The following ZNF804A variants were observed in gnomAD, a reference collection of about 807,000 sequenced individuals.
The protein encoded by ZNF804A is zinc finger protein 804A.
ZNF804A carries 2 observed loss-of-function variants against 16.5 expected under a neutral mutation model. The observed-to-expected ratio is 0.12, with a 90% CI of 0.05 to 0.38. The LOEUF is 0.38. Among genes scored for constraint, ZNF804A ranks in the 10% least tolerant of loss-of-function variants. The pLI is 0.99. For missense variants in ZNF804A, 1,473 were observed against 1,390.7 expected (o/e 1.06, Z -0.94); for synonymous variants, 534 against 489.6 (o/e 1.09, Z -1.20).
chr2:184,776,302 G>A (rs1694283699), intron 1 of ZNF804A, among the ~76,000 whole-genome samples: 1 of 151,338 alleles, frequency 6.6e-6, no homozygotes, highest in Non-Finnish European at 1.5e-5. Context: ...AAAAAATGCT[G>A]GAATGACAAG....
chr2:184,857,308 T>G (rs1695703825), intron 1 of ZNF804A, among the ~76,000 whole-genome samples: 1 of 152,166 alleles, frequency 6.6e-6, no homozygotes, highest in African/African-American at 2.4e-5. Flanking sequence ...TGTTATTGAT[T>G]CCTTGTTTTA....
At chr2:184,805,776 T>C (rs780875171) in intron 1 of ZNF804A, among the ~76,000 whole-genome samples, 3 of 152,004 alleles carry the variant, frequency 2.0e-5, no homozygotes, top group Non-Finnish European at 4.4e-5. Flanking sequence ...TGACATTTAT[T>C]AAAATGTGAG....
intron 1 of ZNF804A, among the ~76,000 whole-genome samples, chr2:184,806,949 T>C (rs1694816685): frequency 6.6e-6 from 1 of 151,798 alleles, no homozygotes; most frequent in Non-Finnish European, 1.5e-5. Flanking sequence ...AAAATTCTAT[T>C]GAATTATCAA....
intron 1 of ZNF804A, among the ~76,000 whole-genome samples, chr2:184,862,268 G>A (rs999976485): frequency 1.3e-5 from 2 of 152,148 alleles, no homozygotes; most frequent in African/African-American, 2.4e-5. Flanking sequence ...GAAAGAGAGG[G>A]GTCATGGAAC....
chr2:184,693,599 A>C (rs988736553), intron 1 of ZNF804A, among the ~76,000 whole-genome samples: 1 of 152,202 alleles, frequency 6.6e-6, no homozygotes, highest in East Asian at 1.9e-4. Flanking sequence ...TAATTGCTTA[A>C]TTTTGACTTC....
rs141231674 is a variant in ZNF804A, at chr2:184,866,319, A to G, written c.112-50A>G. The G allele has an allele frequency of 2.5e-6, 4 of 1,588,388 alleles. No individual in the cohort carries two copies. The African/African-American group carries it at 5.4e-5, about 21-fold the overall frequency. Reference sequence around the variant, plus strand: ...TAGTTGACAACTGCTAAAACAAAGTAAACACAGGGGAGAGCTAATTGTATC... The same window carrying G: ...TAGTTGACAACTGCTAAAACAAAGTGAACACAGGGGAGAGCTAATTGTATC... On this transcript the variant is annotated intron_variant, in intron 1 of 3. Coordinates refer to ENST00000302277, the MANE Select transcript of ZNF804A (RefSeq NM_194250.2).
intron 1 of ZNF804A, among the ~76,000 whole-genome samples, chr2:184,783,490 CT>C (rs1431119873): frequency 6.6e-6 from 1 of 151,816 alleles, no homozygotes; most frequent in African/African-American, 2.4e-5. Flanking sequence ...ATTTTTGTCT[CT>C]GTTAGACCAG....
At chr2:184,629,594 C>A (rs1691571621) in intron 1 of ZNF804A, among the ~76,000 whole-genome samples, 1 of 152,042 alleles carries the variant, frequency 6.6e-6, no homozygotes, top group Admixed American at 6.6e-5. Flanking sequence ...AAGTAAAATA[C>A]AGCTTCAGTT....
At chr2:184,836,772 T>A (rs957165225) in intron 1 of ZNF804A, among the ~76,000 whole-genome samples, 5 of 151,950 alleles carry the variant, frequency 3.3e-5, no homozygotes, top group Non-Finnish European at 2.9e-5. Flanking sequence ...TTCCCTATTC[T>A]TAATCTCTCT....
intron 1 of ZNF804A, among the ~76,000 whole-genome samples, chr2:184,834,764 T>C (rs914014062): frequency 4.6e-5 from 7 of 152,150 alleles, no homozygotes; most frequent in Non-Finnish European, 1.0e-4. Flanking sequence ...ATTGCTTTTG[T>C]GTATTTTACA....
intron 1 of ZNF804A, among the ~76,000 whole-genome samples, chr2:184,768,554 A>C (rs1694164223): frequency 6.6e-6 from 1 of 152,188 alleles, no homozygotes; most frequent in Non-Finnish European, 1.5e-5. Context: ...TACTGGGTGA[A>C]TCTCCTTAAT....
At chr2:184,768,479 A>G (rs906286616) in intron 1 of ZNF804A, among the ~76,000 whole-genome samples, 2 of 152,110 alleles carry the variant, frequency 1.3e-5, no homozygotes, top group Non-Finnish European at 2.9e-5. Flanking sequence ...TTAATTTCAA[A>G]GAATGGTGGT....
chr2:184,625,432 G>A (rs1691480000), intron 1 of ZNF804A, among the ~76,000 whole-genome samples: 1 of 151,930 alleles, frequency 6.6e-6, no homozygotes, highest in African/African-American at 2.4e-5. Flanking sequence ...ATAAAGAGTA[G>A]GTAGGATCTG....
At position 184,746,224 on chromosome 2, in the gene ZNF804A, C is replaced by A. The variant is rs556621104; in HGVS notation, c.112-120145C>A. ...CTACTCTTCTAGCTACTTTGAAATA[C>A]ACAATAAGTCATTGGTAACTATAGT... On this transcript the variant is annotated intron_variant, in intron 1 of 3. Transcript: ENST00000302277. Among the ~76,000 whole-genome samples, 39 of 151,558 alleles carry A rather than the reference C, an allele frequency of 2.6e-4. 1 individual carries two copies. The highest frequency in any genetic ancestry group is 9.2e-4 in the African/African-American group (38 of 41,484).
chr2:184,835,804 G>A (rs1396441053), intron 1 of ZNF804A, among the ~76,000 whole-genome samples: 1 of 149,620 alleles, frequency 6.7e-6, no homozygotes, highest in African/African-American at 2.4e-5. Context: ...GGTTCATGGA[G>A]TGTCTGGGGA....
intron 2 of ZNF804A, among the ~76,000 whole-genome samples, chr2:184,887,263 T>C (rs1291627383): frequency 6.6e-6 from 1 of 152,204 alleles, no homozygotes; most frequent in Non-Finnish European, 1.5e-5. Flanking sequence ...GGGTTCCTCG[T>C]CTCCATCTGA....
chr2:184,646,480 C>T (rs188623778), intron 1 of ZNF804A, among the ~76,000 whole-genome samples: 1 of 152,194 alleles, frequency 6.6e-6, no homozygotes, highest in Non-Finnish European at 1.5e-5. Flanking sequence ...ATTTGCTCAA[C>T]TGGATCAGCA....
At chr2:184,758,437 T>C (rs1181830915) in intron 1 of ZNF804A, among the ~76,000 whole-genome samples, 1 of 151,926 alleles carries the variant, frequency 6.6e-6, no homozygotes. Context: ...AACAATTCTA[T>C]AAAGTAGATA....
intron 1 of ZNF804A, among the ~76,000 whole-genome samples, chr2:184,685,306 C>T (rs924814181): frequency 6.6e-6 from 1 of 152,044 alleles, no homozygotes; most frequent in African/African-American, 2.4e-5. Context: ...AACTGCAGAG[C>T]CCCAAAGAGA....
Sources: gnomAD v4.1 joint callset for allele counts (sites outside exome capture counted in the v4.1 genomes callset) on GRCh38, gnomAD v4.1.1 for gene constraint, MANE v1.5 for transcripts, NCBI Gene and HGNC (gene_info 2026-07-23, HGNC 2026-07-21) for gene names.